MKLN1: variants seen among roughly 807,000 people sequenced by gnomAD.
MKLN1 encodes the protein muskelin.
Under a neutral mutation model 99.0 loss-of-function variants are expected in MKLN1, and 18 were observed. The ratio of observed to expected loss-of-function variants is 0.18; its 90% CI spans 0.13 to 0.27. The LOEUF (loss-of-function observed/expected upper bound fraction) is 0.27. Ranked by LOEUF, MKLN1 falls within the 10% of genes least tolerant of loss-of-function variation. The pLI, the probability that MKLN1 is intolerant of heterozygous loss-of-function variation, is 1.00. For synonymous variants in MKLN1, 288 were observed against 293.2 expected (o/e 0.98, Z 0.18); for missense variants, 621 against 875.9 (o/e 0.71, Z 3.67).
At chr7:131,232,805 C>T (rs935820611) in intron 3 of MKLN1, among the ~76,000 whole-genome samples, 1 of 152,034 alleles carries the variant, frequency 6.6e-6, no homozygotes, top group African/African-American at 2.4e-5. Context: ...GCTACGATGC[C>T]ACTGCACTCC....
chr7:131,443,080 C>T (rs987618822), intron 10 of MKLN1, among the ~76,000 whole-genome samples: 4 of 152,022 alleles, frequency 2.6e-5, no homozygotes, highest in Non-Finnish European at 4.4e-5. Flanking sequence ...CATATCTGAT[C>T]GCTTAGTAAA....
At position 131,111,449 on chromosome 7, in the gene MKLN1, T is replaced by G. The variant is rs185206187; in HGVS notation, c.-419+1242T>G. Among the ~76,000 whole-genome samples, 24 of 152,344 alleles carry G rather than the reference T, an allele frequency of 1.6e-4. No homozygotes were observed. In the East Asian group the frequency reaches 3.7e-3, roughly 23 times the overall value. On this transcript the variant is annotated intron_variant, in intron 1 of 7. Transcript: ENST00000416992. ...ACTCAGACTAGACCAGTCAGTTCACTTCCTGTTTCTCAGAACTGGTTTATA... is the reference window on the plus strand; with the variant it reads ...ACTCAGACTAGACCAGTCAGTTCACGTCCTGTTTCTCAGAACTGGTTTATA...
At chr7:131,378,981 G>T (rs1289962703) in intron 2 of MKLN1, among the ~76,000 whole-genome samples, 1 of 150,756 alleles carries the variant, frequency 6.6e-6, no homozygotes, top group African/African-American at 2.5e-5. Context: ...ACCGTGGAAA[G>T]AATTGCATTG....
intron 1 of MKLN1, among the ~76,000 whole-genome samples, chr7:131,117,475 G>T (rs1397816311): frequency 7.2e-6 from 1 of 139,694 alleles, no homozygotes; most frequent in Non-Finnish European, 1.6e-5. Flanking sequence ...AACAAACAAA[G>T]AAAAAATAAA....
At chr7:131,403,406 G>A (rs80248285) in intron 6 of MKLN1, among the ~76,000 whole-genome samples, 2,458 of 152,190 alleles carry the variant, frequency 0.016, 45 homozygotes, top group African/African-American at 0.053. Context: ...TATCCAGACC[G>A]CTCTAACTTT....
At chr7:131,426,141 C>G (rs1292179240) in intron 8 of MKLN1, among the ~76,000 whole-genome samples, 1 of 152,146 alleles carries the variant, frequency 6.6e-6, no homozygotes, top group African/African-American at 2.4e-5. Context: ...TTATTTTGCT[C>G]AGCTATCAAT....
At chr7:131,138,007 C>T (rs1795676816) in intron 1 of MKLN1, among the ~76,000 whole-genome samples, 1 of 149,398 alleles carries the variant, frequency 6.7e-6, no homozygotes, top group Admixed American at 6.8e-5. Context: ...CTCACCGCAA[C>T]CTCCGCCTCC....
intron 2 of MKLN1, among the ~76,000 whole-genome samples, chr7:131,385,251 A>G (rs979540078): frequency 2.0e-5 from 3 of 152,190 alleles, no homozygotes; most frequent in African/African-American, 7.2e-5. Flanking sequence ...TTGGCCATTC[A>G]TCAGTCGACG....
intron 2 of MKLN1, among the ~76,000 whole-genome samples, chr7:131,171,283 A>G (rs1796211476): frequency 6.6e-6 from 1 of 152,170 alleles, no homozygotes; most frequent in Non-Finnish European, 1.5e-5. Flanking sequence ...CTAAAAATGA[A>G]GCAAAACAAA....
intron 1 of MKLN1, among the ~76,000 whole-genome samples, chr7:131,122,506 GC>G (rs1302045952): frequency 6.6e-6 from 1 of 152,028 alleles, no homozygotes; most frequent in Non-Finnish European, 1.5e-5. Flanking sequence ...AGGGCAATTT[GC>G]TTTTCCTCGT....
chr7:131,285,468 G>A (rs1456694523), intron 3 of MKLN1, among the ~76,000 whole-genome samples: 3 of 152,170 alleles, frequency 2.0e-5, no homozygotes, highest in Admixed American at 6.5e-5. Context: ...AAAGGTAAGC[G>A]TTTCCATGTT....
At chr7:131,352,240 C>G (rs1180269236) in intron 1 of MKLN1, among the ~76,000 whole-genome samples, 1 of 152,186 alleles carries the variant, frequency 6.6e-6, no homozygotes, top group African/African-American at 2.4e-5. Context: ...CCTTCAGGCT[C>G]TCTCCTGTGT....
At chr7:131,148,503 G>A (rs1167437699) in intron 2 of MKLN1, among the ~76,000 whole-genome samples, 5 of 152,080 alleles carry the variant, frequency 3.3e-5, no homozygotes, top group Admixed American at 1.3e-4. Context: ...GGATGGACAC[G>A]GTGACTCATG....
At chr7:131,416,223 T>G (rs929193211) in intron 8 of MKLN1, among the ~76,000 whole-genome samples, 1 of 152,224 alleles carries the variant, frequency 6.6e-6, no homozygotes. Flanking sequence ...TATGGTTTAC[T>G]TTAACATTTA....
At chr7:131,166,520 G>A (rs1447621620) in intron 2 of MKLN1, among the ~76,000 whole-genome samples, 1 of 152,006 alleles carries the variant, frequency 6.6e-6, no homozygotes, top group Non-Finnish European at 1.5e-5. Flanking sequence ...TTCCTTACCC[G>A]CTTCTCGCTG....
rs201440442 is a variant in MKLN1, at chr7:131,376,271, T to TC, written c.168+779dup. On this transcript the variant is annotated intron_variant, in intron 2 of 17. Transcript: ENST00000352689. Reference sequence around the variant, plus strand: ...GAGCCGCAGTGGCTCAGGCCTGTTGTCTGGTGCATAAGGAGGCGAGGCTAG... The same window carrying TC: ...GAGCCGCAGTGGCTCAGGCCTGTTGTCCTGGTGCATAAGGAGGCGAGGCTAG... Among the ~76,000 whole-genome samples, 519 of 149,442 alleles carry TC rather than the reference T, an allele frequency of 3.5e-3. 2 individuals are homozygous for TC. Among genetic ancestry groups the TC allele is most frequent in the African/African-American group, 0.012 (493 of 40,562 alleles).
intron 7 of MKLN1, 41 bp downstream of exon 7, chr7:131,411,424 G>T: frequency 7.6e-7 from 1 of 1,307,604 alleles, no homozygotes; most frequent in Middle Eastern, 1.8e-4. Flanking sequence ...TTTCATTAAT[G>T]TCTCAGTCTT....
At chr7:131,119,934 C>T (rs1795335604) in intron 1 of MKLN1, among the ~76,000 whole-genome samples, 1 of 152,174 alleles carries the variant, frequency 6.6e-6, no homozygotes, top group African/African-American at 2.4e-5. Context: ...ATTTTCCAAA[C>T]TTTTATGCTC....
chr7:131,315,888 AG>A (rs1247061094), intron 3 of MKLN1, among the ~76,000 whole-genome samples: 2 of 152,196 alleles, frequency 1.3e-5, no homozygotes, highest in Non-Finnish European at 2.9e-5. Flanking sequence ...CAAAGGTAAC[AG>A]CCCCAGTCAG....
Sources: allele counts gnomAD v4.1 joint callset (sites outside exome capture counted in the v4.1 genomes callset), GRCh38; gene constraint gnomAD v4.1.1; transcripts MANE v1.5; gene names NCBI Gene and HGNC (gene_info 2026-07-23, HGNC 2026-07-21).